HECTD4: variants seen among roughly 807,000 people sequenced by gnomAD.
HECTD4 encodes the protein HECT domain E3 ubiquitin protein ligase 4.
Under a neutral mutation model 471.5 loss-of-function variants are expected in HECTD4, and 114 were observed. The observed-to-expected ratio is 0.24, with a 90% CI of 0.21 to 0.28. The LOEUF (loss-of-function observed/expected upper bound fraction) is 0.28. HECTD4 is among the 10% of genes least tolerant of loss of function. The probability of loss-of-function intolerance (pLI) is 1.00; values close to 1 mark genes in which losing one functional copy is unlikely to be tolerated. For synonymous variants in HECTD4, 2,012 were observed against 2,256.0 expected, an observed-to-expected ratio of 0.89 and a Z score of 3.07; for missense variants, 3,866 against 5,651.5, an observed-to-expected ratio of 0.68 and a Z score of 10.13.
chr12:112,351,929 G>T (rs867789942), intron 1 of HECTD4, among the ~76,000 whole-genome samples: 1 of 152,160 alleles, frequency 6.6e-6, no homozygotes, highest in Non-Finnish European at 1.5e-5. Flanking sequence ...AAGACAGAAT[G>T]AATATGGCCT....
At chr12:112,165,966 TC>T (rs1327811229) in intron 72 of HECTD4, among the ~76,000 whole-genome samples, 2 of 152,130 alleles carry the variant, frequency 1.3e-5, no homozygotes, top group African/African-American at 4.8e-5. Context: ...CCGCAGACAC[TC>T]CACTGATACA....
chr12:112,258,922 G>T, intron 19 of HECTD4, 190 bp downstream of exon 19: 1 of 609,420 alleles, frequency 1.6e-6, no homozygotes, highest in Non-Finnish European at 2.7e-6. Flanking sequence ...TAGTAATTTA[G>T]TCAAACAAAT....
At chr12:112,219,575 A>G (rs1339700129) in intron 44 of HECTD4, 86 bp from the exon 45 acceptor site, 4 of 897,760 alleles carry the variant, frequency 4.5e-6, no homozygotes, top group South Asian at 3.2e-5. Flanking sequence ...CATCAAAACA[A>G]TAAAATGCAC....
intron 1 of HECTD4, among the ~76,000 whole-genome samples, chr12:112,339,098 T>C (rs1225134149): frequency 6.6e-6 from 1 of 152,072 alleles, no homozygotes; most frequent in Non-Finnish European, 1.5e-5. Context: ...CCTATAGAAA[T>C]TCTTGCACAT....
In HECTD4 at chr12:112,162,327, G is replaced by C; in HGVS notation, c.*60C>G. The C allele has an allele frequency of 6.2e-7, 1 of 1,607,664 alleles. No homozygotes were observed. Among genetic ancestry groups the C allele is most frequent in the Non-Finnish European group, 8.5e-7 (1 of 1,175,572 alleles). On this transcript the variant is annotated 3_prime_UTR_variant, in exon 76 of 76. Transcript: ENST00000682272. The surrounding 1 kb of genome is among the most constrained non-coding windows in gnomAD (Gnocchi z 5.2). ...CCTGGAGGGACGGGCCGCAGTGGTG[G>C]CTTCCCAAGCCAGCAGAGTGGGTGC...
At chr12:112,209,298 T>C (rs1383579978) in intron 50 of HECTD4, among the ~76,000 whole-genome samples, 1 of 151,990 alleles carries the variant, frequency 6.6e-6, no homozygotes, top group African/African-American at 2.4e-5. Flanking sequence ...TTTAATTTTA[T>C]GAAAAAATTG....
chr12:112,190,172 G>A lies in HECTD4; in HGVS notation c.9472+614C>T, dbSNP rs139665679. On this transcript the variant is annotated intron_variant, in intron 60 of 75. Coordinates refer to ENST00000682272, the MANE Select transcript of HECTD4 (RefSeq NM_001388303.1). ...ACCAGCTAGATTCCACCATAAACAT[G>A]TTGCTGTATTTCCTCTACTACATAT... Among the ~76,000 whole-genome samples the A allele has an allele frequency of 4.0e-3, 616 of 152,330 alleles. 7 individuals carry two copies. The highest frequency in any genetic ancestry group is 0.014 in the African/African-American group (576 of 41,570).
At chr12:112,172,954 C>T in intron 66 of HECTD4, 93 bp from the exon 67 acceptor site, 1 of 1,116,576 alleles carries the variant, frequency 9.0e-7, no homozygotes, top group Non-Finnish European at 1.3e-6. Context: ...TCCTCAGCTC[C>T]TGGAGCACAT....
chr12:112,298,317 C>A (rs541429581), intron 7 of HECTD4, among the ~76,000 whole-genome samples: 12 of 152,054 alleles, frequency 7.9e-5, no homozygotes, highest in African/African-American at 2.9e-4. Context: ...AGAAGAAAGA[C>A]AATTGCAGAA....
Position 112,319,889 on chromosome 12 carries a change from C to T in HECTD4, c.178-147G>A, listed in dbSNP as rs1727299161. 1.8e-6 allele frequency: 1 copy of T among 553,574 alleles called. No homozygotes were observed. The highest frequency in any genetic ancestry group is 1.9e-5 in the African/African-American group (1 of 51,482). 34.3% of individuals were successfully genotyped at this position (553,574 alleles called of 1,614,324 possible). On this transcript the variant is annotated intron_variant, in intron 1 of 75. Coordinates refer to ENST00000682272, the MANE Select transcript of HECTD4 (RefSeq NM_001388303.1). This position sits in a 1 kb window ranked among gnomAD's most constrained non-coding sequence, Gnocchi z 5.3. ...AAATGGAAAACGTATACTGTAAAGC[C>T]AGCTCTTTGCTGATGGAATTGTTCC...
intron 17 of HECTD4, among the ~76,000 whole-genome samples, chr12:112,263,746 CACACAT>C (rs2034203168): frequency 6.7e-6 from 1 of 148,382 alleles, no homozygotes. Context: ...CACACACACA[CACACAT>C]ACACATATAT....
chr12:112,226,615 G>A (rs1360939239), intron 44 of HECTD4, 28 bp downstream of exon 44: 2 of 1,426,372 alleles, frequency 1.4e-6, no homozygotes, highest in South Asian at 1.2e-5. Context: ...CAATAAAACA[G>A]GGTGGTAAGG....
At position 112,162,790 on chromosome 12, in the gene HECTD4, T is replaced by C; in HGVS notation, c.13120+252A>G. 1 of 561,000 alleles carries C rather than the reference T, an allele frequency of 1.8e-6. No homozygotes were observed. The highest frequency in any genetic ancestry group is 2.6e-5 in the South Asian group (1 of 37,798). The allele number at this position is 561,000 out of a possible 1,614,324, so 34.8% of individuals were successfully genotyped here. A position where few individuals can be genotyped will look rare whatever the true frequency, so the allele number is the denominator to read the frequency against. ...TTTCTTTTTTTTTTTTTTTAACCAT[T>C]TTTCTGCATTTAAAAGTTAGAAGAT... is the stretch of plus-strand genomic sequence containing the variant. On this transcript the variant is annotated intron_variant, in intron 75 of 75. Transcript: ENST00000682272. This position sits in a 1 kb window ranked among gnomAD's most constrained non-coding sequence, Gnocchi z 5.2.
intron 55 of HECTD4, among the ~76,000 whole-genome samples, chr12:112,199,003 G>C (rs1459394110): frequency 6.6e-6 from 1 of 152,154 alleles, no homozygotes; most frequent in Non-Finnish European, 1.5e-5. Context: ...CCTCTTGCTG[G>C]AATCCCTGGA....
rs1310149108 is a variant in HECTD4 at position 112,193,231 on chromosome 12, C to T, written c.8956-40G>A. 2 of 1,607,100 alleles carry T rather than the reference C, an allele frequency of 1.2e-6. No homozygotes were observed. Among genetic ancestry groups the T allele is most frequent in the East Asian group, 2.2e-5 (1 of 44,720 alleles). ...TGAATAAGGAAAGCCACGGGCTAAA[C>T]ACAGGGACAGCATTTCATCTTCTCA... On this transcript the variant is annotated intron_variant, in intron 57 of 75. Transcript: ENST00000682272. This position sits in a 1 kb window ranked among gnomAD's most constrained non-coding sequence, Gnocchi z 5.2.
intron 7 of HECTD4, among the ~76,000 whole-genome samples, chr12:112,304,504 C>G (rs1257917177): frequency 6.6e-6 from 1 of 151,966 alleles, no homozygotes; most frequent in Non-Finnish European, 1.5e-5. Flanking sequence ...GCACCGTCAT[C>G]TCAGACAAAC....
chr12:112,294,211 T>G (rs1333443604), intron 7 of HECTD4, among the ~76,000 whole-genome samples: 1 of 152,208 alleles, frequency 6.6e-6, no homozygotes, highest in East Asian at 1.9e-4. Flanking sequence ...TTATCAATAC[T>G]CCTAAGTATT....
chr12:112,284,533 G>A (rs1466978748), intron 7 of HECTD4, among the ~76,000 whole-genome samples: 5 of 152,232 alleles, frequency 3.3e-5, no homozygotes, highest in South Asian at 2.1e-4. Flanking sequence ...AAAGGTGGGT[G>A]TACGTAGTGG....
chr12:112,288,776 A>G (rs566123276), intron 7 of HECTD4, among the ~76,000 whole-genome samples: 1 of 152,336 alleles, frequency 6.6e-6, no homozygotes, highest in South Asian at 2.1e-4. Context: ...CTAGAGGATG[A>G]CAGGCCATCT....
Sources: allele counts gnomAD v4.1 joint callset (sites outside exome capture counted in the v4.1 genomes callset), GRCh38; gene constraint gnomAD v4.1.1; non-coding constraint Gnocchi (gnomAD v3.1); transcripts MANE v1.5; gene names NCBI Gene and HGNC (gene_info 2026-07-23, HGNC 2026-07-21).